MAP3K7CL: variants seen among roughly 807,000 people sequenced by gnomAD.
MAP3K7CL encodes MAP3K7 C-terminal like.
In MAP3K7CL, 16 loss-of-function variants were observed where a neutral mutation model predicts 18.6. The ratio of observed to expected loss-of-function variants is 0.86; its 90% CI spans 0.58 to 1.31. The LOEUF (loss-of-function observed/expected upper bound fraction) is 1.31, where lower values mean the gene tolerates loss of function less well. Among genes scored for constraint, MAP3K7CL ranks in the 50% most tolerant of loss-of-function variants. MAP3K7CL has a pLI of 0.00. For missense variants in MAP3K7CL, 163 were observed against 174.4 expected (o/e 0.93, Z 0.37); for synonymous variants, 65 against 66.8 (o/e 0.97, Z 0.13).
At chr21:29,129,341 C>T (rs2086736999), upstream of MAP3K7CL, among the ~76,000 whole-genome samples, 1 of 152,174 alleles carries the variant, frequency 6.6e-6, no homozygotes, top group Admixed American at 6.5e-5. Flanking sequence ...ATTCATCCTT[C>T]CTTTTTCTCT....
intron 3 of MAP3K7CL, among the ~76,000 whole-genome samples, chr21:29,155,197 AATTTT>A (rs2087371528): frequency 2.0e-5 from 3 of 152,172 alleles, no homozygotes; most frequent in Admixed American, 6.5e-5. Flanking sequence ...GATGCTTGTT[AATTTT>A]AAGACATTAC....
At chr21:29,092,634 C>G in intron 4 of MAP3K7CL, 2 of 1,602,506 alleles carry the variant, frequency 1.2e-6, no homozygotes. Context: ...GCTTTTTACA[C>G]ACTGCACCAT....
chr21:29,166,546 G>A (rs1214808822), intron 4 of MAP3K7CL, among the ~76,000 whole-genome samples: 1 of 152,202 alleles, frequency 6.6e-6, no homozygotes, highest in Non-Finnish European at 1.5e-5. Flanking sequence ...GCACTCTTTG[G>A]CAGTTACGCC....
At chr21:29,170,939 CTTT>C (rs367616302) in intron 4 of MAP3K7CL, among the ~76,000 whole-genome samples, 277 of 143,348 alleles carry the variant, frequency 1.9e-3, no homozygotes, top group South Asian at 0.013. Flanking sequence ...GTGCCTGCCT[CTTT>C]TTTTTTTTTT....
chr21:29,120,910 A>G (rs899560438), intron 4 of MAP3K7CL, among the ~76,000 whole-genome samples: 2 of 151,566 alleles, frequency 1.3e-5, no homozygotes, highest in African/African-American at 4.9e-5. Context: ...TACAAAAAAT[A>G]CAAAAATTAG....
At chr21:29,091,815 C>T (rs2086034120) in intron 3 of MAP3K7CL, 2 of 692,908 alleles carry the variant, frequency 2.9e-6, no homozygotes, top group Non-Finnish European at 5.3e-6. Flanking sequence ...TAGTAACTCC[C>T]ATCTGCTGAG....
upstream of MAP3K7CL, among the ~76,000 whole-genome samples, chr21:29,126,914 A>T (rs1247841809): frequency 6.6e-6 from 1 of 152,218 alleles, no homozygotes; most frequent in Non-Finnish European, 1.5e-5. Flanking sequence ...CTGACTTTAA[A>T]ATGTTGGGGA....
intron 4 of MAP3K7CL, among the ~76,000 whole-genome samples, chr21:29,114,414 A>G (rs1019730117): frequency 6.6e-6 from 1 of 151,736 alleles, no homozygotes; most frequent in East Asian, 1.9e-4. Flanking sequence ...TTTTTGAGAC[A>G]GGGCCTTGCT....
chr21:29,091,824 A>G (rs1158386334), intron 3 of MAP3K7CL: 1 of 685,150 alleles, frequency 1.5e-6, no homozygotes, highest in Non-Finnish European at 2.7e-6. Flanking sequence ...CCATCTGCTG[A>G]GTGCTTCCTA....
At chr21:29,108,231 T>C (rs964957388) in intron 4 of MAP3K7CL, among the ~76,000 whole-genome samples, 2 of 152,090 alleles carry the variant, frequency 1.3e-5, no homozygotes, top group African/African-American at 4.8e-5. Context: ...AGTGTCCTTA[T>C]AAGAAGAGAT....
At chr21:29,091,614 C>T in intron 2 of MAP3K7CL, 1 of 700,246 alleles carries the variant, frequency 1.4e-6, no homozygotes, top group East Asian at 2.7e-5. Context: ...TAACTGGGAC[C>T]ACAGGCGTGC....
intron 3 of MAP3K7CL, among the ~76,000 whole-genome samples, chr21:29,151,418 GA>G: frequency 6.6e-6 from 1 of 152,044 alleles, no homozygotes; most frequent in South Asian, 2.1e-4. Context: ...AGGTTGCTGT[GA>G]GCCAAGATCG....
At chr21:29,152,289 T>C (rs958769787) in intron 3 of MAP3K7CL, among the ~76,000 whole-genome samples, 2 of 152,252 alleles carry the variant, frequency 1.3e-5, no homozygotes, top group Non-Finnish European at 2.9e-5. Context: ...TTTATTTCTA[T>C]ACTTAGCGTA....
chr21:29,078,573 A>T (rs1044036583), intron 1 of MAP3K7CL, among the ~76,000 whole-genome samples: 10 of 152,214 alleles, frequency 6.6e-5, no homozygotes, highest in Non-Finnish European at 1.5e-5. Flanking sequence ...GGTTAACTCC[A>T]TGCAATCAAG....
At chr21:29,158,464 A>G (rs1245189795) in intron 3 of MAP3K7CL, among the ~76,000 whole-genome samples, 2 of 152,236 alleles carry the variant, frequency 1.3e-5, no homozygotes, top group African/African-American at 4.8e-5. Flanking sequence ...GGGACATAAC[A>G]GATGTTCCAC....
chr21:29,092,839 G>A (rs557251861), intron 4 of MAP3K7CL, among the ~76,000 whole-genome samples: 1 of 152,316 alleles, frequency 6.6e-6, no homozygotes, highest in African/African-American at 2.4e-5. Flanking sequence ...CGACTGTGCT[G>A]TTTTTTTACT....
At chr21:29,112,018 C>T (rs958996029) in intron 4 of MAP3K7CL, among the ~76,000 whole-genome samples, 4 of 152,120 alleles carry the variant, frequency 2.6e-5, no homozygotes, top group African/African-American at 9.7e-5. Context: ...TTTGTTAGGT[C>T]AGGCACGGTG....
chr21:29,116,076 G>A (rs2086500501), intron 4 of MAP3K7CL, among the ~76,000 whole-genome samples: 1 of 152,188 alleles, frequency 6.6e-6, no homozygotes, highest in Non-Finnish European at 1.5e-5. Context: ...CTCTTTCATT[G>A]AATCAGCATT....
At chr21:29,098,541 A>T (rs2086163941) in intron 4 of MAP3K7CL, among the ~76,000 whole-genome samples, 1 of 152,252 alleles carries the variant, frequency 6.6e-6, no homozygotes, top group East Asian at 1.9e-4. Context: ...AATTTCCATT[A>T]CTTGTGCCAC....
Sources: gnomAD v4.1 joint callset for allele counts (sites outside exome capture counted in the v4.1 genomes callset) on GRCh38, gnomAD v4.1.1 for gene constraint, MANE v1.5 for transcripts, NCBI Gene and HGNC (gene_info 2026-07-23, HGNC 2026-07-21) for gene names.